ATRX: variants seen among roughly 807,000 people sequenced by gnomAD.
ATRX encodes the protein ATRX chromatin remodeler.
ATRX carries 12 observed loss-of-function variants against 172.6 expected under a neutral mutation model. That is an observed-to-expected ratio of 0.07 (90% CI 0.04 to 0.11). The LOEUF (loss-of-function observed/expected upper bound fraction) is 0.11. Among genes scored for constraint, ATRX ranks in the 10% least tolerant of loss-of-function variants. The probability of loss-of-function intolerance (pLI) is 1.00; values close to 1 mark genes in which losing one functional copy is unlikely to be tolerated. For missense variants in ATRX, 1,368 were observed against 1,767.4 expected (o/e 0.77, Z 4.05); for synonymous variants, 674 against 594.7 (o/e 1.13, Z -1.94).
intron 22 of ATRX, chrX:77,616,121 C>T: frequency 3.9e-6 from 3 of 778,339 alleles, no homozygotes; most frequent in Non-Finnish European, 4.6e-6. Flanking sequence ...GTCTTCATAA[C>T]AAAAGCACCC....
chrX:77,603,560 G>C (rs181097543), intron 22 of ATRX, among the ~76,000 whole-genome samples: 3 of 104,564 alleles, frequency 2.9e-5, no homozygotes, highest in East Asian at 5.9e-4. Context: ...ATTTTTAGTA[G>C]GGACAGGGTT....
chrX:77,522,424 G>A (rs782460316), intron 31 of ATRX, 36 bp from the exon 32 acceptor site: 231 of 1,195,903 alleles, frequency 1.9e-4, no homozygotes, highest in Non-Finnish European at 2.6e-4. Context: ...TTCACATTGT[G>A]ATTTAAAACT....
intron 1 of ATRX, among the ~76,000 whole-genome samples, chrX:77,721,532 CAGAT>C (rs2073769451): frequency 9.0e-6 from 1 of 111,589 alleles, no homozygotes; most frequent in Non-Finnish European, 1.9e-5. Context: ...ACAACAATAA[CAGAT>C]AGAGAGCCAA....
At chrX:77,705,104 A>G (rs1324941595) in intron 2 of ATRX, among the ~76,000 whole-genome samples, 1 of 110,314 alleles carries the variant, frequency 9.1e-6, no homozygotes. Context: ...TGCTGCACCC[A>G]GGGCTCCTGC....
intron 1 of ATRX, among the ~76,000 whole-genome samples, chrX:77,736,291 G>A (rs2074561665): frequency 9.0e-6 from 1 of 111,495 alleles, no homozygotes; most frequent in African/African-American, 3.3e-5. Context: ...CCAAAGAATG[G>A]GAGAAAGTAT....
intron 34 of ATRX, among the ~76,000 whole-genome samples, chrX:77,520,319 T>C (rs782078281): frequency 2.5e-4 from 28 of 111,743 alleles, no homozygotes; most frequent in African/African-American, 7.8e-4. Flanking sequence ...ACTGGATTGT[T>C]TGTAACACAA....
intron 22 of ATRX, among the ~76,000 whole-genome samples, chrX:77,608,072 G>A (rs1038548587): frequency 8.1e-5 from 9 of 110,581 alleles, no homozygotes; most frequent in Non-Finnish European, 1.5e-4. Flanking sequence ...AAACAGCATC[G>A]TACTAGCATA....
At chrX:77,783,470 C>T (rs1258533562) in intron 1 of ATRX, among the ~76,000 whole-genome samples, 1 of 111,338 alleles carries the variant, frequency 9.0e-6, no homozygotes, top group African/African-American at 3.3e-5. Flanking sequence ...GTTTATTTTC[C>T]TTCCTCTTGT....
chrX:77,527,141 T>C (rs782491165), intron 30 of ATRX, among the ~76,000 whole-genome samples: 70 of 112,209 alleles, frequency 6.2e-4, no homozygotes, highest in Non-Finnish European at 8.5e-4. Context: ...ACCAGTACCA[T>C]TTTTTATTTT....
At chrX:77,521,223 T>C in intron 33 of ATRX, 180 bp downstream of exon 33, 2 of 453,470 alleles carry the variant, frequency 4.4e-6, no homozygotes, top group Non-Finnish European at 7.7e-6. Context: ...ATTTCTCTCT[T>C]GTGCCAACAT....
At chrX:77,612,551 G>A (rs1557094658) in intron 22 of ATRX, among the ~76,000 whole-genome samples, 1 of 110,408 alleles carries the variant, frequency 9.1e-6, no homozygotes, top group African/African-American at 3.3e-5. Context: ...AAACCTGCAC[G>A]TTCTGCACAT....
At chrX:77,674,277 A>T (rs2070761790) in intron 10 of ATRX, 1 of 111,694 alleles carries the variant, frequency 9.0e-6, no homozygotes, top group African/African-American at 3.2e-5. Context: ...AAATAGTGCA[A>T]GAAAGTATTT....
At chrX:77,622,947 CA>C (rs1327732524) in intron 19 of ATRX, among the ~76,000 whole-genome samples, 1 of 110,133 alleles carries the variant, frequency 9.1e-6, no homozygotes, top group Admixed American at 9.7e-5. Context: ...ACGCCTACAT[CA>C]AAAAGTCCGA....
At chrX:77,739,336 G>A (rs993663979) in intron 1 of ATRX, among the ~76,000 whole-genome samples, 1 of 108,939 alleles carries the variant, frequency 9.2e-6, no homozygotes, top group South Asian at 3.9e-4. Context: ...TCTTATAGCC[G>A]GGTAGTATTC....
Position 77,653,021 on chromosome X carries a change from A to G in ATRX, c.4318-668T>C, listed in dbSNP as rs74671414. Reference sequence around the variant, plus strand: ...TTTCTTGTTAAAAAAAAAAAAAAAAAGAAAAAAAGAAAAAAAGAAAGAAAC... The same window carrying G: ...TTTCTTGTTAAAAAAAAAAAAAAAAGGAAAAAAAGAAAAAAAGAAAGAAAC... On this transcript the variant is annotated intron_variant, in intron 14 of 34. Coordinates refer to ENST00000373344, the MANE Select transcript of ATRX (RefSeq NM_000489.6). 4.6e-5 allele frequency among the ~76,000 whole-genome samples: 5 copies of G among 108,123 alleles called. No homozygotes were observed. The South Asian group carries it at 2.0e-3, about 43-fold the overall frequency. The allele number at this position is 108,123 out of a possible 115,157, so 93.9% of individuals were successfully genotyped here.
At chrX:77,677,987 A>C (rs1302072106) in intron 9 of ATRX, among the ~76,000 whole-genome samples, 3 of 111,128 alleles carry the variant, frequency 2.7e-5, no homozygotes, top group Non-Finnish European at 5.7e-5. Context: ...CAGGCGGATC[A>C]CTTGAGGTCA....
At chrX:77,531,856 A>G (rs2063586336) in intron 30 of ATRX, among the ~76,000 whole-genome samples, 1 of 111,854 alleles carries the variant, frequency 8.9e-6, no homozygotes, top group Non-Finnish European at 1.9e-5. Context: ...TTGTTTGCAG[A>G]TGACATGTCC....
At chrX:77,766,381 A>G (rs2086934776) in intron 1 of ATRX, among the ~76,000 whole-genome samples, 1 of 111,433 alleles carries the variant, frequency 9.0e-6, no homozygotes, top group African/African-American at 3.3e-5. Flanking sequence ...CTCACTTCCC[A>G]GACGGGGTGG....
At chrX:77,587,202 A>G (rs2066058945) in intron 27 of ATRX, among the ~76,000 whole-genome samples, 1 of 112,034 alleles carries the variant, frequency 8.9e-6, no homozygotes. Flanking sequence ...AAGCCAATTA[A>G]AACATTCCAT....
Sources: gnomAD v4.1 joint callset for allele counts (sites outside exome capture counted in the v4.1 genomes callset) on GRCh38, gnomAD v4.1.1 for gene constraint, MANE v1.5 for transcripts, NCBI Gene and HGNC (gene_info 2026-07-23, HGNC 2026-07-21) for gene names.